Variants in KCNS3 observed in about 807,000 individuals in gnomAD.
KCNS3 encodes potassium voltage-gated channel modifier subfamily S member 3, also known as delayed-rectifier potassium channel regulatory subunit KCNS3.
A neutral mutation model predicts 31.0 loss-of-function variants in KCNS3; 13 were observed. The observed-to-expected ratio is 0.42, with a 90% confidence interval of 0.27 to 0.67. KCNS3 has a LOEUF of 0.67. KCNS3 is among the 30% of genes least tolerant of loss of function. KCNS3 has a pLI of 0.25. For missense variants in KCNS3, 545 were observed against 622.4 expected, an observed-to-expected ratio of 0.88 and a Z score of 1.32; for synonymous variants, 238 against 241.5, an observed-to-expected ratio of 0.99 and a Z score of 0.13.
intron 1 of KCNS3, among the ~76,000 whole-genome samples, chr2:17,899,064 A>G (rs553788208): frequency 9.2e-5 from 14 of 152,226 alleles, no homozygotes; most frequent in Non-Finnish European, 1.9e-4. Flanking sequence ...CGTCACCACT[A>G]AAAATACAAG....
intron 2 of KCNS3, among the ~76,000 whole-genome samples, chr2:17,920,473 T>C (rs1248503251): frequency 6.6e-6 from 1 of 152,234 alleles, no homozygotes; most frequent in Non-Finnish European, 1.5e-5. Flanking sequence ...AAAAGGTTAA[T>C]GGCTTTGAAA....
Position 17,914,201 on chromosome 2 carries a change from T to A in KCNS3, c.-251-3479T>A, listed in dbSNP as rs1297379280. ...AATTGCATAAATACACCTCTTCCTGTCTTACTAAGTTCCATTACAGTCATA... is the reference window on the plus strand; with the variant it reads ...AATTGCATAAATACACCTCTTCCTGACTTACTAAGTTCCATTACAGTCATA... On this transcript the variant is annotated intron_variant, in intron 1 of 2. Transcript: ENST00000304101. 2.0e-5 allele frequency among the ~76,000 whole-genome samples: 3 copies of A among 152,186 alleles called. No individual in the cohort carries two copies. In the East Asian group the frequency reaches 5.8e-4, roughly 29 times the overall value.
At position 17,888,659 on chromosome 2, in the gene KCNS3, A is replaced by C. The variant is rs914458798; in HGVS notation, c.-252+9853A>C. On this transcript the variant is annotated intron_variant, in intron 1 of 2. Coordinates refer to ENST00000304101, the MANE Select transcript of KCNS3 (RefSeq NM_002252.5). ...TATATATATATATATATATATATAT[A>C]TATATATATATATAAAGAAAAGGGT... 1.5e-4 allele frequency among the ~76,000 whole-genome samples: 21 copies of C among 137,888 alleles called. 1 individual carries two copies. Among genetic ancestry groups the C allele is most frequent in the South Asian group, 9.0e-4 (4 of 4,434 alleles). 90.5% of individuals were successfully genotyped at this position (137,888 alleles called of 152,430 possible). A position where few individuals can be genotyped will look rare whatever the true frequency, so the allele number is the denominator to read the frequency against.
At chr2:17,907,856 T>C (rs940450567) in intron 1 of KCNS3, among the ~76,000 whole-genome samples, 5 of 152,248 alleles carry the variant, frequency 3.3e-5, no homozygotes, top group African/African-American at 1.2e-4. Flanking sequence ...TTTCCCTTTG[T>C]GGGCAACCCG....
intron 1 of KCNS3, among the ~76,000 whole-genome samples, chr2:17,888,653 A>ATC (rs1661761303): frequency 1.5e-5 from 2 of 134,212 alleles, no homozygotes; most frequent in South Asian, 2.3e-4. Flanking sequence ...ATATATATAT[A>ATC]TATATATATA....
chr2:17,908,639 G>T (rs1263924274), intron 1 of KCNS3, among the ~76,000 whole-genome samples: 2 of 152,166 alleles, frequency 1.3e-5, no homozygotes, highest in Non-Finnish European at 2.9e-5. Context: ...TGGGGTTTTG[G>T]TGTGGATGTC....
chr2:17,918,918 C>G (rs1482034518), intron 2 of KCNS3, among the ~76,000 whole-genome samples: 3 of 152,352 alleles, frequency 2.0e-5, no homozygotes, highest in Middle Eastern at 3.4e-3. Flanking sequence ...AGAGCTTTCC[C>G]ATGACAGACC....
In KCNS3 at chr2:17,888,643, A is replaced by ATATATCTATATC. The variant is rs1661759398; in HGVS notation, c.-252+9842_-252+9843insCTATATCTATAT. 2.6e-5 allele frequency among the ~76,000 whole-genome samples: 3 copies of ATATATCTATATC among 117,462 alleles called. 1 individual carries two copies. The highest frequency in any genetic ancestry group is 1.0e-4 in the African/African-American group (3 of 29,758). 77.1% of individuals were successfully genotyped at this position (117,462 alleles called of 152,430 possible). On this transcript the variant is annotated intron_variant, in intron 1 of 2. Coordinates refer to ENST00000304101, the MANE Select transcript of KCNS3 (RefSeq NM_002252.5). ...ATAAAAAAAATGTATATATATATAT[A>ATATATCTATATC]TATATATATATATATATATATATAT...
intron 1 of KCNS3, among the ~76,000 whole-genome samples, chr2:17,904,890 G>A (rs1662279216): frequency 6.6e-6 from 1 of 152,172 alleles, no homozygotes; most frequent in South Asian, 2.1e-4. Flanking sequence ...AAGTCAGGTA[G>A]CGTGATGCCT....
intron 1 of KCNS3, among the ~76,000 whole-genome samples, chr2:17,901,383 G>A (rs1662169774): frequency 6.6e-6 from 1 of 152,194 alleles, no homozygotes; most frequent in Non-Finnish European, 1.5e-5. Flanking sequence ...CTTGCCCTCA[G>A]TGCTGGCTGG....
intron 2 of KCNS3, among the ~76,000 whole-genome samples, chr2:17,921,913 G>GTGTGTA (rs1662718964): frequency 2.9e-5 from 1 of 34,106 alleles, no homozygotes; most frequent in African/African-American, 1.1e-4. Flanking sequence ...GTGTGTGTGT[G>GTGTGTA]TGTATATATA....
At chr2:17,882,069 A>G (rs1674656593) in intron 1 of KCNS3, among the ~76,000 whole-genome samples, 1 of 152,200 alleles carries the variant, frequency 6.6e-6, no homozygotes, top group African/African-American at 2.4e-5. Context: ...TTGTCAAGTA[A>G]ATCAACCAGT....
intron 1 of KCNS3, among the ~76,000 whole-genome samples, chr2:17,887,044 T>C (rs1661680463): frequency 6.6e-6 from 1 of 152,218 alleles, no homozygotes; most frequent in African/African-American, 2.4e-5. Flanking sequence ...CCAGCCTCTC[T>C]AGACTTAAAG....
At chr2:17,891,145 G>C (rs114183324) in intron 1 of KCNS3, among the ~76,000 whole-genome samples, 4 of 151,942 alleles carry the variant, frequency 2.6e-5, no homozygotes. Flanking sequence ...ATTTTCCTGT[G>C]GGGCAAGGCC....
upstream of KCNS3, among the ~76,000 whole-genome samples, chr2:17,878,509 T>C (rs1265786887): frequency 6.6e-6 from 1 of 151,240 alleles, no homozygotes; most frequent in Non-Finnish European, 1.5e-5. Context: ...GCCCGCGCCC[T>C]CGGCCCGGGG....
At chr2:17,913,733 C>T (rs1385377940) in intron 1 of KCNS3, among the ~76,000 whole-genome samples, 1 of 152,162 alleles carries the variant, frequency 6.6e-6, no homozygotes, top group Non-Finnish European at 1.5e-5. Context: ...GGTTCTTTTC[C>T]TGTACTTATA....
chr2:17,911,990 T>C (rs1662480834), intron 1 of KCNS3, among the ~76,000 whole-genome samples: 2 of 152,230 alleles, frequency 1.3e-5, no homozygotes, highest in African/African-American at 4.8e-5. Flanking sequence ...CTGTAACTTC[T>C]GTAACTTTTA....
intron 1 of KCNS3, among the ~76,000 whole-genome samples, chr2:17,915,321 G>A (rs535521456): frequency 2.6e-5 from 4 of 152,152 alleles, no homozygotes; most frequent in Admixed American, 6.5e-5. Flanking sequence ...AACACTGATC[G>A]GGCTGGTAGG....
chr2:17,931,939 C>A lies in KCNS3; in HGVS notation c.931C>A (p.Arg311=), dbSNP rs369862362. Residue 311 remains arginine (R), a synonymous_variant, in exon 3 of 3, where the codon CGG becomes AGG. Coordinates refer to ENST00000304101, the MANE Select transcript of KCNS3 (RefSeq NM_002252.5). This position sits in a 1 kb window ranked among gnomAD's most constrained non-coding sequence, Gnocchi z 5.4. ...LKLARHSVGL[R]SLGATLRHSY... ...GCTTGCCCGGCACTCGGTAGGACTT[C>A]GGTCTCTAGGTGCCACACTGAGACA... 3 of 1,613,946 alleles carry A rather than the reference C, an allele frequency of 1.9e-6. No individual in the cohort carries two copies. Among genetic ancestry groups the A allele is most frequent in the Non-Finnish European group, 2.5e-6 (3 of 1,180,002 alleles).
Sources: allele counts gnomAD v4.1 joint callset (sites outside exome capture counted in the v4.1 genomes callset), GRCh38; gene constraint gnomAD v4.1.1; non-coding constraint Gnocchi (gnomAD v3.1); transcripts MANE v1.5; gene names NCBI Gene and HGNC (gene_info 2026-07-23, HGNC 2026-07-21).